The following COL27A1 variants were observed in gnomAD, a reference collection of about 807,000 sequenced individuals.
COL27A1 encodes collagen type XXVII alpha 1 chain.
COL27A1 carries 106 observed loss-of-function variants against 251.3 expected under a neutral mutation model. The ratio of observed to expected loss-of-function variants is 0.42; its 90% CI spans 0.36 to 0.50. The LOEUF is 0.50. Ranked by LOEUF, COL27A1 falls within the 20% of genes least tolerant of loss-of-function variation. The probability of loss-of-function intolerance (pLI) is 0.00; values close to 1 mark genes in which losing one functional copy is unlikely to be tolerated. For synonymous variants in COL27A1, 1,000 were observed against 986.3 expected (o/e 1.01, Z -0.26); for missense variants, 2,325 against 2,522.8 (o/e 0.92, Z 1.68).
At chr9:114,196,708 C>T (rs1053138729) in intron 7 of COL27A1, among the ~76,000 whole-genome samples, 4 of 152,202 alleles carry the variant, frequency 2.6e-5, no homozygotes, top group African/African-American at 7.2e-5. Context: ...ATGTCACGCC[C>T]ATCCCATCCC....
rs534211581 is a variant in COL27A1 at position 114,263,131 on chromosome 9, G to A, written c.3196-1224G>A. On this transcript the variant is annotated intron_variant, in intron 28 of 60. Coordinates refer to ENST00000356083, the MANE Select transcript of COL27A1 (RefSeq NM_032888.4). ...TTTTTGTATTTATAGTAGAGATGGG[G>A]TTTCACCATGTTGGTCAGGCTGGTC... 2.6e-3 allele frequency among the ~76,000 whole-genome samples: 398 copies of A among 152,064 alleles called. 2 individuals carry two copies. The highest frequency in any genetic ancestry group is 9.2e-3 in the African/African-American group (383 of 41,482).
At chr9:114,179,815 C>T (rs1438680542) in intron 4 of COL27A1, among the ~76,000 whole-genome samples, 2 of 150,346 alleles carry the variant, frequency 1.3e-5, no homozygotes, top group Non-Finnish European at 3.0e-5. Context: ...AGGCAGTCTG[C>T]CTCCAGAGCC....
intron 3 of COL27A1, among the ~76,000 whole-genome samples, chr9:114,170,323 C>T (rs748144022): frequency 3.9e-5 from 6 of 152,184 alleles, no homozygotes; most frequent in Admixed American, 2.6e-4. Flanking sequence ...TGCCTGGGAC[C>T]GTCTCTAGGG....
chr9:114,249,525 G>C (rs772010861), intron 24 of COL27A1, among the ~76,000 whole-genome samples: 2 of 152,164 alleles, frequency 1.3e-5, no homozygotes, highest in African/African-American at 2.4e-5. Context: ...CAACCAGAGC[G>C]GACATCCCAG....
intron 13 of COL27A1, 124 bp downstream of exon 13, chr9:114,219,968 T>C: frequency 1.4e-6 from 1 of 734,758 alleles, no homozygotes; most frequent in South Asian, 1.5e-5. Context: ...AAGTACCAGC[T>C]GGGCACCCTT....
intron 37 of COL27A1, among the ~76,000 whole-genome samples, chr9:114,278,396 GTGGCGA>G (rs1835648043): frequency 2.3e-5 from 3 of 129,192 alleles, no homozygotes; most frequent in African/African-American, 1.0e-4. Flanking sequence ...GATGGTGCTG[GTGGCGA>G]TGGTGGTGGT....
At chr9:114,253,295 A>AAAAAGAAAGAAAG (rs1554816662) in intron 27 of COL27A1, among the ~76,000 whole-genome samples, 1 of 140,252 alleles carries the variant, frequency 7.1e-6, no homozygotes, top group Non-Finnish European at 1.5e-5. Flanking sequence ...GAGACAGAGA[A>AAAAAGAAAGAAAG]AAAGAAAGAA....
chr9:114,210,855 C>T (rs1588669092), intron 11 of COL27A1, 127 bp from the exon 12 acceptor site: 3 of 888,910 alleles, frequency 3.4e-6, no homozygotes, highest in East Asian at 2.5e-5. Flanking sequence ...GGGGCCGCCA[C>T]GCAAGTGGCA....
chr9:114,236,070 T>C (rs1254707231), intron 17 of COL27A1, among the ~76,000 whole-genome samples: 1 of 151,940 alleles, frequency 6.6e-6, no homozygotes, highest in Non-Finnish European at 1.5e-5. Context: ...CCAGCCCCAC[T>C]GAACCGCCTG....
chr9:114,192,923 T>C (rs890476539), intron 5 of COL27A1, among the ~76,000 whole-genome samples: 1 of 152,162 alleles, frequency 6.6e-6, no homozygotes, highest in Non-Finnish European at 1.5e-5. Flanking sequence ...TAATTAAAGT[T>C]GCCCAAACCA....
chr9:114,243,391 C>G (rs1232973773), intron 22 of COL27A1, 116 bp from the exon 23 acceptor site: 4 of 819,288 alleles, frequency 4.9e-6, no homozygotes, highest in Non-Finnish European at 8.3e-6. Flanking sequence ...CCCTGTCCAC[C>G]AGGGTATGTG....
chr9:114,241,537 A>G (rs537589158), intron 21 of COL27A1, among the ~76,000 whole-genome samples: 4 of 152,300 alleles, frequency 2.6e-5, no homozygotes, highest in East Asian at 3.9e-4. Context: ...GGAGAGTCTC[A>G]TGGGCCGGAA....
In COL27A1 at chr9:114,310,593, C is replaced by T; in HGVS notation, c.5481C>T (p.Thr1827=). The change falls in exon 61 of 61, where the codon ACC becomes ACT. Residue 1827 remains threonine (T), a synonymous_variant. Coordinates refer to ENST00000356083, the MANE Select transcript of COL27A1 (RefSeq NM_032888.4). ...RWHQTLFTFR[T]QDPQQLPIIS... is the part of the protein sequence containing the mutation. ...ATCAGACACTCTTCACCTTCCGGAC[C>T]CAAGACCCCCAACAGCTGCCCATCA... 6.2e-7 allele frequency: 1 copy of T among 1,614,222 alleles called. No individual in the cohort carries two copies. The highest frequency in any genetic ancestry group is 8.5e-7 in the Non-Finnish European group (1 of 1,180,038).
rs1265322353 is a variant in COL27A1 at position 114,290,905 on chromosome 9, C to T, written c.4464C>T (p.Pro1488=). ...CCGGCTTACCTGGAGCACAGGGACC[C>T]CCAGGATTCAAGGTCAGATACCTCT... ...GVAGLPGAQG[P]PGFKGESGLP... is the part of the protein sequence containing the mutation. Residue 1488 remains proline, a synonymous_variant, in exon 48 of 61, where the codon CCC becomes CCT. Transcript: ENST00000356083. This position sits in a 1 kb window ranked among gnomAD's most constrained non-coding sequence, Gnocchi z 4.6. 3 of 1,551,194 alleles carry T rather than the reference C, an allele frequency of 1.9e-6. No individual in the cohort carries two copies. The highest frequency in any genetic ancestry group is 2.4e-5 in the East Asian group (1 of 40,950).
chr9:114,260,120 C>A (rs1194387805), intron 28 of COL27A1, among the ~76,000 whole-genome samples: 3 of 152,238 alleles, frequency 2.0e-5, no homozygotes, highest in Non-Finnish European at 4.4e-5. Context: ...TGGGCCCAGG[C>A]CCCCTGCCCT....
At chr9:114,237,493 C>T (rs183273430) in intron 18 of COL27A1, among the ~76,000 whole-genome samples, 169 bp from the exon 19 acceptor site, 44 of 152,364 alleles carry the variant, frequency 2.9e-4, no homozygotes, top group Admixed American at 1.8e-3. Context: ...CCATGGTTAG[C>T]AAGTGCAGGA....
intron 39 of COL27A1, among the ~76,000 whole-genome samples, chr9:114,282,812 TG>T (rs932519885): frequency 1.2e-4 from 18 of 152,344 alleles, no homozygotes; most frequent in Admixed American, 1.1e-3. Flanking sequence ...AAGGGGTGTG[TG>T]GGTCCCCTGA....
intron 58 of COL27A1, chr9:114,307,033 G>GTGGTGC (rs1035608622): frequency 4.9e-5 from 13 of 264,330 alleles, no homozygotes; most frequent in African/African-American, 2.9e-4. Flanking sequence ...GTGAGCTGAT[G>GTGGTGC]TGGTGCTGTG....
At chr9:114,208,597 T>C (rs1830136086) in intron 10 of COL27A1, among the ~76,000 whole-genome samples, 1 of 152,244 alleles carries the variant, frequency 6.6e-6, no homozygotes, top group Non-Finnish European at 1.5e-5. Context: ...TTGTTAGAGT[T>C]ATTATTAAAT....
Sources: allele counts gnomAD v4.1 joint callset (sites outside exome capture counted in the v4.1 genomes callset), GRCh38; gene constraint gnomAD v4.1.1; non-coding constraint Gnocchi (gnomAD v3.1); transcripts MANE v1.5; gene names NCBI Gene and HGNC (gene_info 2026-07-23, HGNC 2026-07-21).